The following DMBT1 variants were observed in gnomAD, a reference collection of about 807,000 sequenced individuals.
DMBT1 encodes scavenger receptor cysteine-rich domain-containing protein DMBT1.
DMBT1 carries 198 observed loss-of-function variants against 252.9 expected under a neutral mutation model. That is an observed-to-expected ratio of 0.78 (90% confidence interval 0.70 to 0.88). The LOEUF is 0.88. DMBT1 is among the 40% of genes least tolerant of loss of function. DMBT1 has a pLI of 0.00. For missense variants in DMBT1, 2,432 were observed against 2,404.7 expected (o/e 1.01, Z -0.24); for synonymous variants, 990 against 942.7 (o/e 1.05, Z -0.92).
chr10:122,579,469 G>A, intron 9 of DMBT1, 109 bp from the exon 10 acceptor site: 2 of 1,578,538 alleles, frequency 1.3e-6, no homozygotes, highest in Non-Finnish European at 1.7e-6. Flanking sequence ...AAAGGTGACT[G>A]CCTGCCTAGG....
intron 41 of DMBT1, 124 bp downstream of exon 41, chr10:122,618,464 G>T (rs766507405): frequency 9.9e-6 from 15 of 1,521,134 alleles, no homozygotes; most frequent in Non-Finnish European, 1.3e-5. Flanking sequence ...CTGAAGTCTT[G>T]TTAGCTCTCT....
At chr10:122,617,895 T>C (rs2098012226) in intron 40 of DMBT1, 122 bp from the exon 41 acceptor site, 1 of 1,500,850 alleles carries the variant, frequency 6.7e-7, no homozygotes, top group Non-Finnish European at 9.1e-7. Flanking sequence ...AGCAGTTGTA[T>C]GCAATTGTGA....
In DMBT1 at chr10:122,625,283, A is replaced by G. The variant is rs1469100488; in HGVS notation, c.5615A>G (p.Gln1872Arg). ...EDAGVICSATQINSTTTDWWH... is the reference protein window; with the variant it reads ...EDAGVICSATRINSTTTDWWH... ...TTTCTTCTTTTCCTTGCAGCCACCC[A>G]AATAAATTCTACTACGACAGGTGAG... The change falls in exon 45 of 56, where the codon CAA becomes CGA. Residue 1872 changes from glutamine to arginine, a missense_variant. Gln to Arg is a conservative substitution (Grantham distance 43). Around this residue, in one of 3 missense-constraint regions of DMBT1, gnomAD observed 1,162 missense variants for 1,169.0 expected, o/e 0.99. Transcript: ENST00000338354. 1.2e-6 allele frequency: 2 copies of G among 1,611,402 alleles called. No individual in the cohort carries two copies. The highest frequency in any genetic ancestry group is 2.2e-5 in the South Asian group (2 of 90,036).
At chr10:122,593,025 G>A (rs746048512) in intron 20 of DMBT1, among the ~76,000 whole-genome samples, 1 of 148,726 alleles carries the variant, frequency 6.7e-6, no homozygotes, top group Non-Finnish European at 1.5e-5. Context: ...GAGACCCAGT[G>A]AGGAGGTCTG....
chr10:122,632,788 C>T (rs1042304482), intron 50 of DMBT1, 73 bp from the exon 51 acceptor site: 1 of 1,580,014 alleles, frequency 6.3e-7, no homozygotes, highest in Non-Finnish European at 8.6e-7. Context: ...AGCATCTGCA[C>T]AGCTCATGAG....
rs773418616 is a variant in DMBT1 at position 122,618,212 on chromosome 10, G to A, written c.5087G>A (p.Gly1696Asp). Residue 1696 changes from glycine (G) to aspartate (D), a missense_variant, in exon 41 of 56, where the codon GGC becomes GAC. This residue lies in a region of DMBT1 where 1,162 missense variants were observed against 1,169.0 expected (regional missense o/e 0.99). Coordinates refer to ENST00000338354, the MANE Select transcript of DMBT1 (RefSeq NM_001377530.1). The stretch of plus-strand genomic sequence containing the variant: ...CCAGGAAATGCCCAGTTTGGCCAGG[G>A]CTCAGGACCCATTGTCCTGGATGAT... Reference protein sequence around the residue: ...SAPGNAQFGQGSGPIVLDDVR... With the variant: ...SAPGNAQFGQDSGPIVLDDVR... 2 of 1,613,842 alleles carry A rather than the reference G, an allele frequency of 1.2e-6. No homozygotes were observed. Among genetic ancestry groups the A allele is most frequent in the Non-Finnish European group, 1.7e-6 (2 of 1,179,800 alleles).
intron 50 of DMBT1, 49 bp downstream of exon 50, chr10:122,631,924 C>T (rs1210131992): frequency 1.3e-6 from 2 of 1,595,300 alleles, no homozygotes; most frequent in African/African-American, 1.3e-5. Context: ...CAGGTCTCTC[C>T]ATTACTGCTG....
chr10:122,631,037 C>T lies in DMBT1; in HGVS notation c.6102C>T (p.Gly2034=), dbSNP rs773655992. Residue 2034 remains glycine (G), a synonymous_variant, in exon 49 of 56, where the codon GGC becomes GGT. Transcript: ENST00000338354. ...GGCGTGTAGAAATTTACCATGGTGGCACCTGGGGGACAGTTTGTGATGACT... is the reference window on the plus strand; with the variant it reads ...GGCGTGTAGAAATTTACCATGGTGGTACCTGGGGGACAGTTTGTGATGACT... ...CAGRVEIYHG[G]TWGTVCDDSW... is the part of the protein sequence containing the mutation. 3.8e-5 allele frequency: 62 copies of T among 1,613,458 alleles called. 1 individual carries two copies. The East Asian group carries it at 1.2e-3, about 30-fold the overall frequency.
chr10:122,593,679 G>A (rs2097872766), intron 21 of DMBT1, 81 bp downstream of exon 21: 1 of 1,419,684 alleles, frequency 7.0e-7, no homozygotes, highest in South Asian at 1.3e-5. Flanking sequence ...GAGCTCTCCT[G>A]TTTCTCTGTG....
At chr10:122,619,584 C>T (rs2098041388) in intron 42 of DMBT1, among the ~76,000 whole-genome samples, 1 of 152,204 alleles carries the variant, frequency 6.6e-6, no homozygotes, top group African/African-American at 2.4e-5. Flanking sequence ...ATGGACAAGC[C>T]TTACAGGTTC....
chr10:122,634,012 C>T (rs969520641), intron 52 of DMBT1, among the ~76,000 whole-genome samples: 3 of 152,096 alleles, frequency 2.0e-5, no homozygotes, highest in African/African-American at 2.4e-5. Flanking sequence ...TGGCCTGCAC[C>T]TGTAGTCCCA....
intron 10 of DMBT1, among the ~76,000 whole-genome samples, chr10:122,580,245 G>A (rs1414497753): frequency 3.3e-5 from 5 of 152,218 alleles, no homozygotes; most frequent in African/African-American, 9.6e-5. Context: ...CAAGGCAGGG[G>A]AGGGATCCCC....
In DMBT1 at chr10:122,629,979, C is replaced by T; in HGVS notation, c.5808C>T (p.Gly1936=). 1.9e-6 allele frequency: 3 copies of T among 1,613,974 alleles called. No individual in the cohort carries two copies. Among genetic ancestry groups the T allele is most frequent in the Non-Finnish European group, 2.5e-6 (3 of 1,179,878 alleles). Residue 1936 remains glycine, a synonymous_variant, in exon 47 of 56, where the codon GGC becomes GGT. Coordinates refer to ENST00000338354, the MANE Select transcript of DMBT1 (RefSeq NM_001377530.1). ...EVNSGYRINL[G]FSNLKLEAHH... is the part of the protein sequence containing the mutation. ...ATTCTGGTTATCGCATAAACCTGGG[C>T]TTCAGTAATCTGAAGTAAGTAATGC...
In DMBT1 at chr10:122,579,755, A is replaced by G. The variant is rs765788002; in HGVS notation, c.857A>G (p.Asn286Ser). The change falls in exon 10 of 56, where the codon AAT (asparagine) becomes AGT (serine). Residue 286 changes from asparagine to serine, a missense_variant. Asn to Ser is a conservative substitution (Grantham distance 46, BLOSUM62 1). This residue lies in a region of DMBT1 where 1,264 missense variants were observed against 1,082.2 expected (regional missense o/e 1.17). Transcript: ENST00000338354. ...GGCTGGGCCATGTCAGCCCCAGGAA[A>G]TGCCCAGTTTGGCCAGGGCTCAGGA... is the stretch of plus-strand genomic sequence containing the variant. ...GCGWAMSAPGNAQFGQGSGPI... is the reference protein window; with the variant it reads ...GCGWAMSAPGSAQFGQGSGPI... 10 of 1,613,680 alleles carry G rather than the reference A, an allele frequency of 6.2e-6. No homozygotes were observed. In the East Asian group the frequency reaches 1.6e-4, roughly 25 times the overall value.
intron 54 of DMBT1, among the ~76,000 whole-genome samples, chr10:122,637,660 G>A (rs2098238260): frequency 1.3e-5 from 2 of 152,202 alleles, no homozygotes; most frequent in South Asian, 4.1e-4. Context: ...AGAGGCAGGT[G>A]TTGAGATGGG....
At chr10:122,600,553 T>A (rs1026113694) in intron 27 of DMBT1, among the ~76,000 whole-genome samples, 3 of 152,326 alleles carry the variant, frequency 2.0e-5, no homozygotes, top group East Asian at 3.9e-4. Context: ...AGGCAGAGTT[T>A]GTGCTTGGGC....
At position 122,636,101 on chromosome 10, in the gene DMBT1, C is replaced by A; in HGVS notation, c.6659C>A (p.Ser2220Tyr). Residue 2220 changes from serine (S) to tyrosine (Y), a missense_variant, in exon 53 of 56, where the codon TCC becomes TAC. This residue lies in a region of DMBT1 where 1,162 missense variants were observed against 1,169.0 expected (regional missense o/e 0.99). Coordinates refer to ENST00000338354, the MANE Select transcript of DMBT1 (RefSeq NM_001377530.1). ...CDGARGSFTSSSNFMSIRFIS... is the reference protein window; with the variant it reads ...CDGARGSFTSYSNFMSIRFIS... ...GGGGCCAGAGGCTCCTTCACTTCTTCCTCCAACTTCATGTCCATTCGCTTC... is the reference window on the plus strand; with the variant it reads ...GGGGCCAGAGGCTCCTTCACTTCTTACTCCAACTTCATGTCCATTCGCTTC... The A allele has an allele frequency of 6.2e-7, 1 of 1,614,016 alleles. No homozygotes were observed. Among genetic ancestry groups the A allele is most frequent in the Non-Finnish European group, 8.5e-7 (1 of 1,179,896 alleles).
intron 25 of DMBT1, among the ~76,000 whole-genome samples, 170 bp downstream of exon 25, chr10:122,598,182 T>G (rs200918519): frequency 6.6e-6 from 1 of 152,002 alleles, no homozygotes; most frequent in Non-Finnish European, 1.5e-5. Flanking sequence ...GGTCTGATGT[T>G]GGAGGCTGGA....
chr10:122,561,514 G>A (rs1260417406), intron 1 of DMBT1, among the ~76,000 whole-genome samples: 5 of 152,024 alleles, frequency 3.3e-5, no homozygotes, highest in Admixed American at 3.3e-4. Context: ...AGAGATACTA[G>A]AGGAACAAGT....
Sources: gnomAD v4.1 joint callset for allele counts (sites outside exome capture counted in the v4.1 genomes callset) on GRCh38, gnomAD v4.1.1 for gene constraint, gnomAD v4.1.1 regional missense constraint, MANE v1.5 for transcripts, NCBI Gene and HGNC (gene_info 2026-07-23, HGNC 2026-07-21) for gene names.